The following APPL2 variants were observed in gnomAD, a reference collection of about 807,000 sequenced individuals.
APPL2 encodes DCC-interacting protein 13-beta.
In APPL2, 84 loss-of-function variants were observed where a neutral mutation model predicts 92.7. The observed-to-expected ratio is 0.91, with a 90% CI of 0.76 to 1.09. The LOEUF (loss-of-function observed/expected upper bound fraction) is 1.09, where lower values mean the gene tolerates loss of function less well. Among genes scored for constraint, APPL2 ranks in the 50% least tolerant of loss-of-function variants. The probability of loss-of-function intolerance (pLI) is 0.00; values close to 1 mark genes in which losing one functional copy is unlikely to be tolerated. For synonymous variants in APPL2, 291 were observed against 291.0 expected (o/e 1.00, Z 0.00); for missense variants, 736 against 824.5 (o/e 0.89, Z 1.31).
At chr12:105,232,621 A>G (rs886107035) in intron 1 of APPL2, among the ~76,000 whole-genome samples, 11 of 151,996 alleles carry the variant, frequency 7.2e-5, no homozygotes, top group Non-Finnish European at 1.6e-4. Flanking sequence ...AAAATTAGCC[A>G]TGCGTGGTGA....
At position 105,217,152 on chromosome 12, in the gene APPL2, G is replaced by T; in HGVS notation, c.214-12C>A. ...CCAAGAGCAAAGTTCTAAGACCAAA[G>T]AATAAAAGAAGCAGGTGTTAAGTGA... On this transcript the variant is annotated splice_polypyrimidine_tract_variant and intron_variant, in intron 3 of 20. Transcript: ENST00000258530. 6.3e-7 allele frequency: 1 copy of T among 1,585,558 alleles called. No homozygotes were observed. Among genetic ancestry groups the T allele is most frequent in the Non-Finnish European group, 8.6e-7 (1 of 1,162,078 alleles).
intron 14 of APPL2, among the ~76,000 whole-genome samples, chr12:105,193,237 G>A (rs572459691): frequency 6.6e-6 from 1 of 152,260 alleles, no homozygotes; most frequent in Admixed American, 6.5e-5. Context: ...AATATAGGCT[G>A]CAAATTGTCT....
Position 105,206,459 on chromosome 12 carries a change from G to A in APPL2, c.621+602C>T, listed in dbSNP as rs559526133. Among the ~76,000 whole-genome samples, 6 of 152,306 alleles carry A rather than the reference G, an allele frequency of 3.9e-5. No individual in the cohort carries two copies. The East Asian group carries it at 1.2e-3, about 29-fold the overall frequency. ...ATCAGCCTCACACTCACGGTCACTC[G>A]TCTCCGCCGCACTGGTGCCACTACA... is the stretch of plus-strand genomic sequence containing the variant. On this transcript the variant is annotated intron_variant, in intron 8 of 20. Transcript: ENST00000258530.
chr12:105,177,119 C>T, intron 18 of APPL2, 103 bp from the exon 19 acceptor site: 1 of 1,596,188 alleles, frequency 6.3e-7, no homozygotes, highest in African/African-American at 1.3e-5. Flanking sequence ...CCTATTAGTC[C>T]TATTAGTGGC....
intron 1 of APPL2, chr12:105,235,472 A>T (rs1023637252): frequency 1.3e-5 from 2 of 152,314 alleles, no homozygotes; most frequent in African/African-American, 4.8e-5. Flanking sequence ...GTCTCATCAC[A>T]TCATTAGGAG....
intron 4 of APPL2, among the ~76,000 whole-genome samples, chr12:105,212,156 A>C (rs370656683): frequency 6.6e-6 from 1 of 150,702 alleles, no homozygotes; most frequent in Non-Finnish European, 1.5e-5. Flanking sequence ...TTCCTACCAA[A>C]ACAACTCTGC....
chr12:105,176,017 C>A lies in APPL2; in HGVS notation c.1860+18G>T. The A allele has an allele frequency of 6.4e-7, 1 of 1,568,104 alleles. No individual in the cohort carries two copies. Among genetic ancestry groups the A allele is most frequent in the South Asian group, 1.2e-5 (1 of 82,594 alleles). ...GTGTTTTGAGTAGCTACTAAACCAG[C>A]GCTAGAATGCATCTTACCTTCTGAA... On this transcript the variant is annotated intron_variant, in intron 20 of 20. Coordinates refer to ENST00000258530, the MANE Select transcript of APPL2 (RefSeq NM_018171.5).
rs1477359277 is a variant in APPL2, at chr12:105,200,856, G to GTATC, written c.705-1326_705-1325insGATA. Among the ~76,000 whole-genome samples the GTATC allele has an allele frequency of 3.0e-3, 337 of 111,734 alleles. 3 individuals are homozygous for GTATC. The highest frequency in any genetic ancestry group is 0.012 in the African/African-American group (305 of 26,404). The allele number at this position is 111,734 out of a possible 152,430, so 73.3% of individuals were successfully genotyped here. ...CGTATGTATGTATGTATGTATGTAT[G>GTATC]TATGTATGTATCTATCTATCTATCT... On this transcript the variant is annotated intron_variant, in intron 9 of 20. Coordinates refer to ENST00000258530, the MANE Select transcript of APPL2 (RefSeq NM_018171.5).
At chr12:105,199,583 T>C in intron 9 of APPL2, 52 bp from the exon 10 acceptor site, 1 of 1,560,686 alleles carries the variant, frequency 6.4e-7, no homozygotes, top group Non-Finnish European at 8.7e-7. Flanking sequence ...AACCCAGCAC[T>C]ACTAAGAAGC....
At chr12:105,188,544 T>A in intron 16 of APPL2, 97 bp from the exon 17 acceptor site, 1 of 1,355,184 alleles carries the variant, frequency 7.4e-7, no homozygotes, top group Non-Finnish European at 1.0e-6. Flanking sequence ...CTGCTTTCTG[T>A]GGAGGACTTT....
intron 2 of APPL2, 92 bp from the exon 3 acceptor site, chr12:105,217,817 T>C (rs1889810819): frequency 8.0e-7 from 1 of 1,253,822 alleles, no homozygotes; most frequent in Non-Finnish European, 1.2e-6. Context: ...TAAAAAGTAA[T>C]ATTGGCTGGG....
intron 1 of APPL2, among the ~76,000 whole-genome samples, chr12:105,230,811 T>C (rs1052725300): frequency 2.0e-5 from 3 of 152,204 alleles, no homozygotes; most frequent in Non-Finnish European, 4.4e-5. Flanking sequence ...TAATGTACTG[T>C]CTTCAGTACC....
intron 17 of APPL2, among the ~76,000 whole-genome samples, chr12:105,180,478 T>C (rs979691739): frequency 1.3e-5 from 2 of 152,220 alleles, no homozygotes; most frequent in Non-Finnish European, 2.9e-5. Flanking sequence ...TGGTTCCATA[T>C]GAAATTTAAA....
chr12:105,186,613 T>TATCA (rs1489433005), intron 17 of APPL2, among the ~76,000 whole-genome samples: 2 of 104,724 alleles, frequency 1.9e-5, no homozygotes, highest in African/African-American at 6.6e-5. Context: ...TAAATATATA[T>TATCA]ATCATATATA....
At chr12:105,223,086 T>C (rs1890229481) in intron 2 of APPL2, among the ~76,000 whole-genome samples, 1 of 152,166 alleles carries the variant, frequency 6.6e-6, no homozygotes, top group Non-Finnish European at 1.5e-5. Context: ...CTGAGGACTT[T>C]ATGCCTTTTC....
chr12:105,205,648 G>C (rs1327254103), intron 8 of APPL2, among the ~76,000 whole-genome samples: 1 of 152,244 alleles, frequency 6.6e-6, no homozygotes. Context: ...TGCTAGATCT[G>C]AGACCCTTCC....
At chr12:105,219,078 G>A (rs1051963370) in intron 2 of APPL2, among the ~76,000 whole-genome samples, 1 of 152,254 alleles carries the variant, frequency 6.6e-6, no homozygotes, top group Admixed American at 6.5e-5. Context: ...GGTCTGACAT[G>A]GCACAGATGA....
chr12:105,178,782 C>G (rs1885804988), intron 17 of APPL2, among the ~76,000 whole-genome samples: 2 of 152,094 alleles, frequency 1.3e-5, no homozygotes, highest in Admixed American at 1.3e-4. Context: ...TTTAAGTAGA[C>G]AAAGCTTAAG....
intron 2 of APPL2, among the ~76,000 whole-genome samples, chr12:105,227,802 A>ATCATAGG (rs1226850761): frequency 6.6e-6 from 1 of 152,200 alleles, no homozygotes; most frequent in Non-Finnish European, 1.5e-5. Flanking sequence ...CCCAACCAAT[A>ATCATAGG]CCATAGGCAT....
Sources: allele counts gnomAD v4.1 joint callset (sites outside exome capture counted in the v4.1 genomes callset), GRCh38; gene constraint gnomAD v4.1.1; transcripts MANE v1.5; gene names NCBI Gene and HGNC (gene_info 2026-07-23, HGNC 2026-07-21).